EIF5: variants seen among roughly 807,000 people sequenced by gnomAD.
EIF5 encodes eukaryotic translation initiation factor 5.
A neutral mutation model predicts 48.3 loss-of-function variants in EIF5; 10 were observed. The observed-to-expected ratio is 0.21, with a 90% CI of 0.13 to 0.35. The LOEUF (loss-of-function observed/expected upper bound fraction) is 0.35. EIF5 is among the 10% of genes least tolerant of loss of function. EIF5 has a pLI of 1.00. For synonymous variants in EIF5, 237 were observed against 173.1 expected (o/e 1.37, Z -2.90); for missense variants, 397 against 533.2 (o/e 0.74, Z 2.51).
intron 4 of EIF5, 96 bp from the exon 5 acceptor site, chr14:103,336,581 C>CA (rs35114533): frequency 0.17 from 192,919 of 1,122,800 alleles, 345 homozygotes; most frequent in Non-Finnish European, 0.18. Flanking sequence ...ACTCTTGTCT[C>CA]AAAAAAAAAA....
intron 11 of EIF5, 110 bp from the exon 12 acceptor site, chr14:103,340,853 A>G: frequency 1.8e-6 from 2 of 1,103,616 alleles, no homozygotes; most frequent in Non-Finnish European, 1.3e-6. Flanking sequence ...TCCGTGAAGA[A>G]GAAATAGCTG....
Position 103,344,054 on chromosome 14 carries a change from CTG to C in EIF5, c.*3007_*3008del, listed in dbSNP as rs1447392075. 1 of 152,202 alleles carries C rather than the reference CTG, an allele frequency of 6.6e-6. No homozygotes were observed. Among genetic ancestry groups the C allele is most frequent in the Non-Finnish European group, 1.5e-5 (1 of 68,044 alleles). The allele number at this position is 152,202 out of a possible 1,614,324, so 9.4% of individuals were successfully genotyped here. A position where few individuals can be genotyped will look rare whatever the true frequency, so the allele number is the denominator to read the frequency against. ...CAGTGTTGCACTTTCGTTGCATGTGCTGTGTGACCCCAAGGGGACAGGGAGTC... is the reference window on the plus strand; with the variant it reads ...CAGTGTTGCACTTTCGTTGCATGTGCTGTGACCCCAAGGGGACAGGGAGTC... On this transcript the variant is annotated 3_prime_UTR_variant, in exon 12 of 12. Transcript: ENST00000216554.
chr14:103,334,623 G>GAGATGGCGGCCGCACA (rs2089259937), intron 2 of EIF5, 26 bp downstream of exon 2: 1 of 151,470 alleles, frequency 6.6e-6, no homozygotes, highest in Non-Finnish European at 1.5e-5. Flanking sequence ...GGCGGGCCAG[G>GAGATGGCGGCCGCACA]AGATGGCGGC....
At chr14:103,335,189 A>T (rs1039017593) in intron 2 of EIF5, 14 of 152,390 alleles carry the variant, frequency 9.2e-5, no homozygotes. Flanking sequence ...CTTTGAAGTA[A>T]GCCATGGTTG....
rs748349012 is a variant in EIF5, at chr14:103,337,234, C to G, written c.439+7C>G. On this transcript the variant is annotated splice_region_variant and intron_variant, in intron 6 of 11. Coordinates refer to ENST00000216554, the MANE Select transcript of EIF5 (RefSeq NM_001969.5). Reference sequence around the variant, plus strand: ...ATTCTCAAAAACCCACCTGGTGAGTCTTCCATGATGAACTCCTAAGATCCT... The same window carrying G: ...ATTCTCAAAAACCCACCTGGTGAGTGTTCCATGATGAACTCCTAAGATCCT... 6.2e-7 allele frequency: 1 copy of G among 1,600,032 alleles called. No individual in the cohort carries two copies. The highest frequency in any genetic ancestry group is 8.5e-7 in the Non-Finnish European group (1 of 1,172,440).
At position 103,343,805 on chromosome 14, in the gene EIF5, C is replaced by CT. The variant is rs2089381535; in HGVS notation, c.*2755dup. 6.6e-6 allele frequency: 1 copy of CT among 152,206 alleles called. No homozygotes were observed. Among genetic ancestry groups the CT allele is most frequent in the South Asian group, 2.1e-4 (1 of 4,838 alleles). 9.4% of individuals were successfully genotyped at this position (152,206 alleles called of 1,614,324 possible). ...CATAGGTACTGTTGTACCAAGGTCA[C>CT]TTATCTAACAAAATAACCCTTCATG... On this transcript the variant is annotated 3_prime_UTR_variant, in exon 12 of 12. Transcript: ENST00000216554.
At chr14:103,335,578 A>G in intron 2 of EIF5, 75 bp from the exon 3 acceptor site, 1 of 496,084 alleles carries the variant, frequency 2.0e-6, no homozygotes, top group Non-Finnish European at 3.6e-6. Context: ...TAGGATGTAA[A>G]AAGGAGGCGT....
chr14:103,343,521 A>G lies in EIF5; in HGVS notation c.*2469A>G, dbSNP rs539817932. ...GCTTTCTAAACAAGTGCATTCTGAA[A>G]TTGACTTAAAAATTTTTAGTGTGGG... is the stretch of plus-strand genomic sequence containing the variant. On this transcript the variant is annotated 3_prime_UTR_variant, in exon 12 of 12. Coordinates refer to ENST00000216554, the MANE Select transcript of EIF5 (RefSeq NM_001969.5). 5.3e-5 allele frequency: 8 copies of G among 152,342 alleles called. No homozygotes were observed. The East Asian group carries it at 1.5e-3, about 29-fold the overall frequency. 9.4% of individuals were successfully genotyped at this position (152,342 alleles called of 1,614,324 possible).
chr14:103,339,416 C>T, intron 9 of EIF5, 83 bp downstream of exon 9: 1 of 1,512,420 alleles, frequency 6.6e-7, no homozygotes, highest in East Asian at 2.3e-5. Context: ...TTTGCTTGTC[C>T]TGTCATGCTT....
In EIF5 at chr14:103,336,801, T is replaced by C; in HGVS notation, c.279T>C (p.Ile93=). The change falls in exon 5 of 12, where the codon ATT becomes ATC. Residue 93 remains isoleucine (I), a synonymous_variant. Coordinates refer to ENST00000216554, the MANE Select transcript of EIF5 (RefSeq NM_001969.5). Reference sequence around the variant, plus strand: ...TGCAAGACATGTTGGATGGATTCATTAAAAAATTTGTTCTCTGTCCTGAAT... The same window carrying C: ...TGCAAGACATGTTGGATGGATTCATCAAAAAATTTGTTCTCTGTCCTGAAT... ...NKLQDMLDGF[I]KKFVLCPECE... The C allele has an allele frequency of 1.2e-6, 2 of 1,614,024 alleles. No homozygotes were observed. Among genetic ancestry groups the C allele is most frequent in the South Asian group, 1.1e-5 (1 of 91,032 alleles).
At chr14:103,337,848 C>T (rs2140360165) in intron 6 of EIF5, 1 of 515,016 alleles carries the variant, frequency 1.9e-6, no homozygotes, top group Non-Finnish European at 3.9e-6. Context: ...TTGAATATTG[C>T]AAGCAACACT....
intron 2 of EIF5, 24 bp from the exon 3 acceptor site, chr14:103,335,629 G>C: frequency 3.6e-6 from 2 of 561,820 alleles, no homozygotes; most frequent in South Asian, 2.3e-5. Context: ...GGATTTTTGT[G>C]TGTTCTTTCC....
At position 103,340,520 on chromosome 14, in the gene EIF5, T is replaced by A; in HGVS notation, c.1165T>A (p.Ser389Thr). Residue 389 changes from serine to threonine, a missense_variant, in exon 11 of 12, where the codon TCT becomes ACT. Ser to Thr is a moderately conservative substitution (Grantham distance 58). Coordinates refer to ENST00000216554, the MANE Select transcript of EIF5 (RefSeq NM_001969.5). ...IKWLKEAEEE[S>T]SGGEEEDEDE... The stretch of plus-strand genomic sequence containing the variant: ...ATGGTTGAAGGAGGCAGAGGAAGAA[T>A]CTTCTGGTGGCGAAGAAGAAGATGA... 1 of 1,612,984 alleles carries A rather than the reference T, an allele frequency of 6.2e-7. No homozygotes were observed. Among genetic ancestry groups the A allele is most frequent in the Non-Finnish European group, 8.5e-7 (1 of 1,179,024 alleles).
In EIF5 at chr14:103,341,083, A is replaced by G; in HGVS notation, c.*31A>G. 2 of 1,604,350 alleles carry G rather than the reference A, an allele frequency of 1.2e-6. No homozygotes were observed. Among genetic ancestry groups the G allele is most frequent in the South Asian group, 1.1e-5 (1 of 90,816 alleles). ...TGGATGCAACCTAGCTTAACAGTAT[A>G]ATGCTGCAAATTTTCCTCCATTATC... is the stretch of plus-strand genomic sequence containing the variant. On this transcript the variant is annotated 3_prime_UTR_variant, in exon 12 of 12. Coordinates refer to ENST00000216554, the MANE Select transcript of EIF5 (RefSeq NM_001969.5).
intron 2 of EIF5, 165 bp downstream of exon 2, chr14:103,334,762 C>A (rs892914063): frequency 6.8e-6 from 1 of 147,214 alleles, no homozygotes; most frequent in Non-Finnish European, 1.5e-5. Flanking sequence ...CCGGCCTCGC[C>A]CCCTCCCCGG....
chr14:103,339,416 C>A lies in EIF5; in HGVS notation c.906+83C>A, dbSNP rs1037177511. On this transcript the variant is annotated intron_variant, in intron 9 of 11. Transcript: ENST00000216554. Reference sequence around the variant, plus strand: ...GTCATATTAACCACTTTTGCTTGTCCTGTCATGCTTGAAAGTGGGGAAATT... The same window carrying A: ...GTCATATTAACCACTTTTGCTTGTCATGTCATGCTTGAAAGTGGGGAAATT... 8 of 1,512,300 alleles carry A rather than the reference C, an allele frequency of 5.3e-6. No homozygotes were observed. The African/African-American group carries it at 9.8e-5, about 18-fold the overall frequency. The allele number at this position is 1,512,300 out of a possible 1,614,324, so 93.7% of individuals were successfully genotyped here.
chr14:103,338,689 GT>G (rs1355823766), intron 7 of EIF5, 45 bp from the exon 8 acceptor site: 2 of 1,586,730 alleles, frequency 1.3e-6, no homozygotes, highest in Non-Finnish European at 1.7e-6. Flanking sequence ...CCTTTTTGTT[GT>G]TGTTTTTAAG....
intron 10 of EIF5, 109 bp from the exon 11 acceptor site, chr14:103,340,318 A>G: frequency 8.3e-7 from 1 of 1,209,596 alleles, no homozygotes; most frequent in South Asian, 1.5e-5. Context: ...CTGTTTGAGG[A>G]TTCAGACTTG....
At position 103,341,363 on chromosome 14, in the gene EIF5, T is replaced by C. The variant is rs1310970175; in HGVS notation, c.*311T>C. ...GGTTTGATTTTGGTCGTTCTTCAGA[T>C]GTTTGGCTCTGAATGACTTAAGCTG... On this transcript the variant is annotated 3_prime_UTR_variant, in exon 12 of 12. Coordinates refer to ENST00000216554, the MANE Select transcript of EIF5 (RefSeq NM_001969.5). The C allele has an allele frequency of 1.8e-5, 4 of 221,948 alleles. No individual in the cohort carries two copies. Among genetic ancestry groups the C allele is most frequent in the Non-Finnish European group, 1.8e-5 (2 of 108,178 alleles). The allele number at this position is 221,948 out of a possible 1,614,324, so 13.7% of individuals were successfully genotyped here. A position where few individuals can be genotyped will look rare whatever the true frequency, so the allele number is the denominator to read the frequency against.
Sources: gnomAD v4.1 joint callset for allele counts on GRCh38, gnomAD v4.1.1 for gene constraint, MANE v1.5 for transcripts, NCBI Gene and HGNC (gene_info 2026-07-23, HGNC 2026-07-21) for gene names.